BAZ2B: variants seen among roughly 807,000 people sequenced by gnomAD.
BAZ2B encodes bromodomain adjacent to zinc finger domain protein 2B.
A neutral mutation model predicts 246.0 loss-of-function variants in BAZ2B; 91 were observed. The observed-to-expected ratio is 0.37, with a 90% CI of 0.31 to 0.44. The LOEUF (loss-of-function observed/expected upper bound fraction) is 0.44. BAZ2B is among the 20% of genes least tolerant of loss of function. BAZ2B has a pLI of 1.00. For missense variants in BAZ2B, 2,332 were observed against 2,533.7 expected, an observed-to-expected ratio of 0.92 and a Z score of 1.71; for synonymous variants, 855 against 860.0, an observed-to-expected ratio of 0.99 and a Z score of 0.10.
At chr2:159,610,067 C>CTAG (rs1428239983) in intron 1 of BAZ2B, among the ~76,000 whole-genome samples, 1 of 152,088 alleles carries the variant, frequency 6.6e-6, no homozygotes, top group Non-Finnish European at 1.5e-5. Context: ...ATTTCATGCA[C>CTAG]TAGGTCCATT....
chr2:159,429,202 A>G lies in BAZ2B; in HGVS notation c.2253T>C (p.Tyr751=). Residue 751 remains tyrosine (Y), a splice_region_variant and synonymous_variant, in exon 11 of 37, where the codon TAT becomes TAC. Coordinates refer to ENST00000392783, the MANE Select transcript of BAZ2B (RefSeq NM_013450.4). ...AAGGAAAACCTTATTTTGCATACCC[A>G]TATTCCAATGGAATACGCAGTTCAC... The part of the protein sequence containing the change: ...DERELRIPLE[Y]GWQRETRIRN... The G allele has an allele frequency of 6.5e-7, 1 of 1,545,672 alleles. No homozygotes were observed. The highest frequency in any genetic ancestry group is 8.8e-7 in the Non-Finnish European group (1 of 1,141,968).
intron 33 of BAZ2B, among the ~76,000 whole-genome samples, chr2:159,333,284 G>A (rs1398668415): frequency 1.3e-5 from 2 of 152,022 alleles, no homozygotes; most frequent in Non-Finnish European, 2.9e-5. Context: ...CACAAGTGCA[G>A]AAAATGGATC....
chr2:159,573,134 T>C (rs1204881823), intron 1 of BAZ2B, among the ~76,000 whole-genome samples: 1 of 152,198 alleles, frequency 6.6e-6, no homozygotes, highest in Admixed American at 6.5e-5. Flanking sequence ...ATAAGTGACC[T>C]TGAAGAAAGT....
At position 159,582,830 on chromosome 2, in the gene BAZ2B, T is replaced by G. The variant is rs372011159; in HGVS notation, c.-45-26965A>C. On this transcript the variant is annotated intron_variant, in intron 1 of 36. Coordinates refer to ENST00000392783, the MANE Select transcript of BAZ2B (RefSeq NM_013450.4). ...CTAAGATATTCACTGAAGCGTTACC[T>G]ATAAAAATATACACTGGGAACACTT... is the stretch of plus-strand genomic sequence containing the variant. Among the ~76,000 whole-genome samples the G allele has an allele frequency of 2.7e-3, 411 of 152,334 alleles. 28 individuals carry two copies. The South Asian group carries it at 0.081, about 30-fold the overall frequency.
chr2:159,333,562 G>C (rs192965262), intron 33 of BAZ2B, among the ~76,000 whole-genome samples: 1 of 151,916 alleles, frequency 6.6e-6, no homozygotes, highest in Admixed American at 6.6e-5. Flanking sequence ...ACTGTTTTTT[G>C]ACATCTAGTT....
chr2:159,342,801 T>C (rs1296744290), intron 31 of BAZ2B, among the ~76,000 whole-genome samples: 3 of 152,158 alleles, frequency 2.0e-5, no homozygotes, highest in Non-Finnish European at 4.4e-5. Flanking sequence ...CAATCATGCT[T>C]ATGGATCAGA....
chr2:159,436,239 A>T (rs1026745837), intron 8 of BAZ2B, among the ~76,000 whole-genome samples: 1 of 152,154 alleles, frequency 6.6e-6, no homozygotes, highest in Admixed American at 6.5e-5. Context: ...TTGTATTTTA[A>T]TTTTCTGCAA....
Position 159,337,564 on chromosome 2 carries a change from T to C in BAZ2B, c.5660+3A>G. 1 of 1,614,146 alleles carries C rather than the reference T, an allele frequency of 6.2e-7. No homozygotes were observed. Among genetic ancestry groups the C allele is most frequent in the Non-Finnish European group, 8.5e-7 (1 of 1,179,992 alleles). ...GGTGGTACTTAAGGGGCTCTTCAGA[T>C]ACCTTCTTTCAATGTTCCGCTCCAA... On this transcript the variant is annotated splice_donor_region_variant and intron_variant, in intron 32 of 36. Coordinates refer to ENST00000392783, the MANE Select transcript of BAZ2B (RefSeq NM_013450.4).
At chr2:159,327,488 T>C (rs925932610) in intron 34 of BAZ2B, among the ~76,000 whole-genome samples, 1 of 152,200 alleles carries the variant, frequency 6.6e-6, no homozygotes, top group Non-Finnish European at 1.5e-5. Flanking sequence ...ATTAATATGT[T>C]TTATTCAGTC....
rs1340644652 is a variant in BAZ2B at position 159,386,383 on chromosome 2, T to C, written c.3441A>G (p.Val1147=). 13 of 1,613,116 alleles carry C rather than the reference T, an allele frequency of 8.1e-6. No homozygotes were observed. The highest frequency in any genetic ancestry group is 1.1e-5 in the Non-Finnish European group (13 of 1,179,560). ...ATCCTGTTATTAGACCTGGATCACA[T>C]ACAGCAGCTGAGAGGAGCCTCACAA... The part of the protein sequence containing the change: ...DLLVRLLSAA[V]CDPGLITGYK... The change falls in exon 22 of 37, where the codon GTA becomes GTG. Residue 1147 remains valine, a synonymous_variant. Coordinates refer to ENST00000392783, the MANE Select transcript of BAZ2B (RefSeq NM_013450.4).
At chr2:159,491,506 G>T (rs1377718814) in intron 2 of BAZ2B, among the ~76,000 whole-genome samples, 1 of 151,160 alleles carries the variant, frequency 6.6e-6, no homozygotes, top group Non-Finnish European at 1.5e-5. Flanking sequence ...GGATCACGAG[G>T]TCAGGAGATC....
the BAZ2B span, among the ~76,000 whole-genome samples, chr2:159,657,006 A>AT: frequency 2.0e-5 from 3 of 151,920 alleles, no homozygotes; most frequent in African/African-American, 7.3e-5. Context: ...CAACTTACCA[A>AT]TTTTTTTCTT....
At chr2:159,375,226 C>T (rs1289259952) in intron 25 of BAZ2B, among the ~76,000 whole-genome samples, 2 of 151,454 alleles carry the variant, frequency 1.3e-5, no homozygotes, top group African/African-American at 4.9e-5. Context: ...CATAGCAAAC[C>T]ACACACACAC....
At chr2:159,560,331 A>C (rs1305113135) in intron 1 of BAZ2B, among the ~76,000 whole-genome samples, 1 of 152,210 alleles carries the variant, frequency 6.6e-6, no homozygotes, top group African/African-American at 2.4e-5. Context: ...TCATTTATAT[A>C]TCAGTTTGAT....
chr2:159,496,085 A>T (rs1007564887), intron 2 of BAZ2B, among the ~76,000 whole-genome samples: 2 of 149,220 alleles, frequency 1.3e-5, no homozygotes, highest in African/African-American at 4.9e-5. Context: ...AATACTTTTT[A>T]AAAAATTAGG....
intron 1 of BAZ2B, among the ~76,000 whole-genome samples, chr2:159,569,856 G>T (rs1356089373): frequency 6.6e-6 from 1 of 151,946 alleles, no homozygotes; most frequent in Admixed American, 6.6e-5. Flanking sequence ...TGAAAATTAG[G>T]TAATTTTCAG....
At chr2:159,447,394 CA>C (rs943379185) in intron 5 of BAZ2B, among the ~76,000 whole-genome samples, 1 of 152,076 alleles carries the variant, frequency 6.6e-6, no homozygotes, top group Non-Finnish European at 1.5e-5. Context: ...TAATGAAATG[CA>C]AAACTTTGTG....
chr2:159,576,154 C>T (rs1685229399), intron 1 of BAZ2B, among the ~76,000 whole-genome samples: 1 of 152,094 alleles, frequency 6.6e-6, no homozygotes, highest in South Asian at 2.1e-4. Flanking sequence ...AATTTGATTC[C>T]TAGATTTACT....
the BAZ2B span, among the ~76,000 whole-genome samples, chr2:159,647,573 GATTA>G: frequency 1.6e-4 from 24 of 152,154 alleles, no homozygotes; most frequent in Admixed American, 9.8e-4. Flanking sequence ...CCATGGCCCA[GATTA>G]ATTGATACAC....
Sources: allele counts gnomAD v4.1 joint callset (sites outside exome capture counted in the v4.1 genomes callset), GRCh38; gene constraint gnomAD v4.1.1; transcripts MANE v1.5; gene names NCBI Gene and HGNC (gene_info 2026-07-23, HGNC 2026-07-21).